The following KIF3C variants were observed in gnomAD, a reference collection of about 807,000 sequenced individuals.
KIF3C encodes the protein kinesin family member 3C.
Under a neutral mutation model 67.7 loss-of-function variants are expected in KIF3C, and 12 were observed. The observed-to-expected ratio is 0.18, with a 90% CI of 0.11 to 0.29. KIF3C has a LOEUF of 0.29. Ranked by LOEUF, KIF3C falls within the 10% of genes least tolerant of loss-of-function variation. The pLI, the probability that KIF3C is intolerant of heterozygous loss-of-function variation, is 1.00. For synonymous variants in KIF3C, 393 were observed against 426.2 expected (o/e 0.92, Z 0.96); for missense variants, 789 against 1,059.6 (o/e 0.74, Z 3.55).
intron 1 of KIF3C, among the ~76,000 whole-genome samples, chr2:25,969,797 C>A (rs1445052082): frequency 2.1e-4 from 32 of 151,948 alleles, no homozygotes; most frequent in Admixed American, 2.1e-3. Flanking sequence ...CTCACTGCAA[C>A]CTCTGCCTCC....
At chr2:25,959,420 G>T (rs929588207) in intron 1 of KIF3C, among the ~76,000 whole-genome samples, 1 of 152,088 alleles carries the variant, frequency 6.6e-6, no homozygotes, top group African/African-American at 2.4e-5. Flanking sequence ...CGTATTTGAT[G>T]AACCAAACAG....
intron 1 of KIF3C, among the ~76,000 whole-genome samples, chr2:25,974,492 C>T (rs566240850): frequency 1.1e-4 from 17 of 152,282 alleles, no homozygotes; most frequent in South Asian, 1.0e-3. Flanking sequence ...TGAGCCACTG[C>T]GCCTGGCCCT....
In KIF3C at chr2:25,981,932, C is replaced by T. The variant is rs756333011; in HGVS notation, c.-15G>A. On this transcript the variant is annotated 5_prime_UTR_variant, in exon 1 of 8. Coordinates refer to ENST00000264712, the MANE Select transcript of KIF3C (RefSeq NM_002254.8). This position sits in a 1 kb window ranked among gnomAD's most constrained non-coding sequence, Gnocchi z 8.2. ...TTACTGGCCATCTTGCTGCTCTGACCTTCCTGCCCCCGAGCCCCTCCGCAG... is the reference window on the plus strand; with the variant it reads ...TTACTGGCCATCTTGCTGCTCTGACTTTCCTGCCCCCGAGCCCCTCCGCAG... The T allele has an allele frequency of 2.6e-6, 4 of 1,519,324 alleles. No homozygotes were observed. The highest frequency in any genetic ancestry group is 3.5e-6 in the Non-Finnish European group (4 of 1,138,288). 94.1% of individuals were successfully genotyped at this position (1,519,324 alleles called of 1,614,324 possible).
In KIF3C at chr2:25,928,967, C is replaced by A. The variant is rs765824624; in HGVS notation, c.*11G>T. ...GGAGTCTATTGGATGGGCAGCCTGACGTGATGGTTGTCACTCATGGTCCGC... is the reference window on the plus strand; with the variant it reads ...GGAGTCTATTGGATGGGCAGCCTGAAGTGATGGTTGTCACTCATGGTCCGC... On this transcript the variant is annotated 3_prime_UTR_variant, in exon 8 of 8. Coordinates refer to ENST00000264712, the MANE Select transcript of KIF3C (RefSeq NM_002254.8). 6.2e-7 allele frequency: 1 copy of A among 1,610,424 alleles called. No individual in the cohort carries two copies. The highest frequency in any genetic ancestry group is 1.7e-5 in the Admixed American group (1 of 59,676).
rs70950146 is a variant in KIF3C, at chr2:25,971,871, C to CTTTTTTTTTTTTTTTTTTTT, written c.1545+8482_1545+8501dup. Among the ~76,000 whole-genome samples the CTTTTTTTTTTTTTTTTTTTT allele has an allele frequency of 2.0e-4, 11 of 53,804 alleles. 1 individual carries two copies. Among genetic ancestry groups the CTTTTTTTTTTTTTTTTTTTT allele is most frequent in the Non-Finnish European group, 2.6e-4 (7 of 26,868 alleles). 35.3% of individuals were successfully genotyped at this position (53,804 alleles called of 152,430 possible). ...TACAGGCATGCAGTACCATGCCTAGCTTTTTTTTTTTTTTTTTTTTTTTTT... is the reference window on the plus strand; with the variant it reads ...TACAGGCATGCAGTACCATGCCTAGCTTTTTTTTTTTTTTTTTTTTTTTTTTTTTTTTTTTTTTTTTTTTT... On this transcript the variant is annotated intron_variant, in intron 1 of 7. Transcript: ENST00000264712.
intron 1 of KIF3C, among the ~76,000 whole-genome samples, chr2:25,971,871 CTTTTTTTT>C (rs70950146): frequency 1.3e-4 from 7 of 53,810 alleles, no homozygotes; most frequent in Admixed American, 4.5e-4. Context: ...CCATGCCTAG[CTTTTTTTT>C]TTTTTTTTTT....
chr2:25,947,397 T>C (rs192399564), intron 5 of KIF3C, among the ~76,000 whole-genome samples: 121 of 152,100 alleles, frequency 8.0e-4, no homozygotes, highest in African/African-American at 2.2e-3. Context: ...CTGGCTAACA[T>C]GGTGAAACCC....
chr2:25,954,240 C>A, intron 4 of KIF3C, 27 bp downstream of exon 4: 1 of 1,550,400 alleles, frequency 6.4e-7, no homozygotes. Flanking sequence ...TGTGGGGACC[C>A]GGGATGAAAA....
At chr2:25,951,448 G>A (rs891949283) in intron 5 of KIF3C, 2 of 253,356 alleles carry the variant, frequency 7.9e-6, no homozygotes, top group East Asian at 1.0e-4. Flanking sequence ...TTGCTATTTC[G>A]GGCATCTGAC....
At chr2:25,933,041 A>C (rs2090475502) in intron 5 of KIF3C, among the ~76,000 whole-genome samples, 1 of 152,102 alleles carries the variant, frequency 6.6e-6, no homozygotes, top group South Asian at 2.1e-4. Flanking sequence ...GCCTGAGCTT[A>C]GGAGTTTGAG....
In KIF3C at chr2:25,931,555, C is replaced by A. The variant is rs941242170; in HGVS notation, c.2007-1492G>T. Among the ~76,000 whole-genome samples, 8 of 152,262 alleles carry A rather than the reference C, an allele frequency of 5.3e-5. No individual in the cohort carries two copies. The South Asian group carries it at 8.3e-4, about 16-fold the overall frequency. Reference sequence around the variant, plus strand: ...AAAGAGGTACATATTAATATTTCTTCACTCCTGTTGCTTTAAATTGTTTCT... The same window carrying A: ...AAAGAGGTACATATTAATATTTCTTAACTCCTGTTGCTTTAAATTGTTTCT... On this transcript the variant is annotated intron_variant, in intron 5 of 7. Transcript: ENST00000264712.
At chr2:25,976,593 C>T (rs1439712101) in intron 1 of KIF3C, among the ~76,000 whole-genome samples, 2 of 152,014 alleles carry the variant, frequency 1.3e-5, no homozygotes, top group Non-Finnish European at 2.9e-5. Flanking sequence ...AACCCCGTCT[C>T]TACTAAAAAT....
intron 1 of KIF3C, among the ~76,000 whole-genome samples, chr2:25,960,809 G>A (rs934367273): frequency 6.6e-6 from 1 of 152,134 alleles, no homozygotes; most frequent in Non-Finnish European, 1.5e-5. Flanking sequence ...GGTGGTGTGG[G>A]CCTGTGGTCC....
intron 5 of KIF3C, among the ~76,000 whole-genome samples, chr2:25,951,105 T>C (rs1490239443): frequency 6.6e-6 from 1 of 151,500 alleles, no homozygotes; most frequent in Non-Finnish European, 1.5e-5. Flanking sequence ...CCTAAGCACC[T>C]CTCTCTATAT....
At chr2:25,979,973 G>C in intron 1 of KIF3C, among the ~76,000 whole-genome samples, 1 of 152,194 alleles carries the variant, frequency 6.6e-6, no homozygotes, top group East Asian at 1.9e-4. Flanking sequence ...ACGACGTGAG[G>C]TTTGAAGATG....
In KIF3C at chr2:25,926,997, A is replaced by G. The variant is rs894125271; in HGVS notation, c.*1981T>C. On this transcript the variant is annotated 3_prime_UTR_variant, in exon 8 of 8. Coordinates refer to ENST00000264712, the MANE Select transcript of KIF3C (RefSeq NM_002254.8). ...CCTGTTCCCAGCAGATCTTACACTG[A>G]GTGTAGAGTGTCCCCTGTGGAGGTA... The G allele has an allele frequency of 6.5e-6, 1 of 152,702 alleles. No individual in the cohort carries two copies. Among genetic ancestry groups the G allele is most frequent in the African/African-American group, 2.4e-5 (1 of 41,562 alleles). 9.5% of individuals were successfully genotyped at this position (152,702 alleles called of 1,614,324 possible). A position where few individuals can be genotyped will look rare whatever the true frequency, so the allele number is the denominator to read the frequency against.
At chr2:25,968,048 C>G (rs1005046062) in intron 1 of KIF3C, among the ~76,000 whole-genome samples, 2 of 152,152 alleles carry the variant, frequency 1.3e-5, no homozygotes, top group African/African-American at 4.8e-5. Flanking sequence ...TATAGCCACC[C>G]CTTCCCTCAC....
intron 1 of KIF3C, among the ~76,000 whole-genome samples, chr2:25,974,281 G>A (rs1434742453): frequency 2.0e-5 from 3 of 152,108 alleles, no homozygotes; most frequent in Non-Finnish European, 2.9e-5. Context: ...TGTTGTCCAG[G>A]CTGGTCTCAG....
Position 25,955,794 on chromosome 2 carries a change from T to C in KIF3C, c.1648-131A>G. 9.6e-7 allele frequency: 1 copy of C among 1,036,420 alleles called. No individual in the cohort carries two copies. Among genetic ancestry groups the C allele is most frequent in the African/African-American group, 1.6e-5 (1 of 62,780 alleles). 64.2% of individuals were successfully genotyped at this position (1,036,420 alleles called of 1,614,324 possible). On this transcript the variant is annotated intron_variant, in intron 2 of 7. Transcript: ENST00000264712. The surrounding 1 kb of genome is among the most constrained non-coding windows in gnomAD (Gnocchi z 5.0). ...ACCATGGCCCATGGCCCACATCCACTGCTCCCACCCAATCCTGCAGAGCCC... is the reference window on the plus strand; with the variant it reads ...ACCATGGCCCATGGCCCACATCCACCGCTCCCACCCAATCCTGCAGAGCCC...
Sources: gnomAD v4.1 joint callset for allele counts (sites outside exome capture counted in the v4.1 genomes callset) on GRCh38, gnomAD v4.1.1 for gene constraint, Gnocchi (gnomAD v3.1) non-coding constraint, MANE v1.5 for transcripts, NCBI Gene and HGNC (gene_info 2026-07-23, HGNC 2026-07-21) for gene names.